Variants in SOX5 observed in about 807,000 individuals in gnomAD.
SOX5 encodes the protein SRY-box transcription factor 5, also known as transcription factor SOX-5.
Under a neutral mutation model 92.0 loss-of-function variants are expected in SOX5, and 9 were observed. That is an observed-to-expected ratio of 0.10 (90% CI 0.06 to 0.17). SOX5 has a LOEUF of 0.17. Ranked by LOEUF, SOX5 falls within the 10% of genes least tolerant of loss-of-function variation. SOX5 has a pLI of 1.00. For missense variants in SOX5, 642 were observed against 944.5 expected (o/e 0.68, Z 4.20); for synonymous variants, 344 against 336.3 (o/e 1.02, Z -0.25).
intron 3 of SOX5, among the ~76,000 whole-genome samples, chr12:24,267,081 A>T (rs780417032): frequency 3.3e-5 from 5 of 152,194 alleles, no homozygotes; most frequent in Admixed American, 6.5e-5. Context: ...TGTCTGTCAC[A>T]AAGATTTGAC....
intron 2 of SOX5, among the ~76,000 whole-genome samples, chr12:23,861,263 G>T (rs1439716888): frequency 6.6e-6 from 1 of 152,050 alleles, no homozygotes; most frequent in East Asian, 1.9e-4. Context: ...TAGAATAAAG[G>T]GAGAAAATGA....
intron 2 of SOX5, among the ~76,000 whole-genome samples, chr12:24,302,444 T>C (rs1457075554): frequency 2.6e-5 from 4 of 152,180 alleles, no homozygotes; most frequent in African/African-American, 4.8e-5. Flanking sequence ...ACTTTGTAAG[T>C]AAGAGCTTGA....
intron 1 of SOX5, among the ~76,000 whole-genome samples, chr12:24,435,181 T>C (rs1350569719): frequency 6.6e-6 from 1 of 152,206 alleles, no homozygotes; most frequent in East Asian, 1.9e-4. Context: ...TCTCTGGAGA[T>C]ACTAGCTAAG....
chr12:23,840,006 A>T (rs1329128315), intron 3 of SOX5, among the ~76,000 whole-genome samples: 1 of 135,438 alleles, frequency 7.4e-6, no homozygotes, highest in African/African-American at 2.6e-5. Flanking sequence ...AAAAAAAAAA[A>T]AAGAAAGTGC....
At chr12:24,271,609 G>T (rs974448871) in intron 3 of SOX5, among the ~76,000 whole-genome samples, 1 of 152,040 alleles carries the variant, frequency 6.6e-6, no homozygotes, top group East Asian at 1.9e-4. Flanking sequence ...ATATTGTTCT[G>T]TCCCTTACAC....
chr12:24,557,613 G>A (rs1953934840), intron 1 of SOX5, among the ~76,000 whole-genome samples: 1 of 152,040 alleles, frequency 6.6e-6, no homozygotes, highest in African/African-American at 2.4e-5. Context: ...TAAGCTACCA[G>A]AGAATACAAA....
At chr12:24,434,811 C>T (rs1160793696) in intron 1 of SOX5, among the ~76,000 whole-genome samples, 1 of 152,214 alleles carries the variant, frequency 6.6e-6, no homozygotes, top group Non-Finnish European at 1.5e-5. Context: ...ATGCTAGCAT[C>T]ATGCTTTCTG....
intron 8 of SOX5, among the ~76,000 whole-genome samples, chr12:23,614,798 T>C (rs1373069733): frequency 1.3e-5 from 2 of 152,172 alleles, no homozygotes; most frequent in African/African-American, 4.8e-5. Context: ...CCAGTTTCTC[T>C]ATATTTTCTT....
intron 1 of SOX5, among the ~76,000 whole-genome samples, chr12:24,545,696 G>A (rs1253739283): frequency 1.3e-5 from 2 of 152,172 alleles, no homozygotes; most frequent in African/African-American, 2.4e-5. Flanking sequence ...GCTGTGGTGC[G>A]CTGCCCAGCG....
At chr12:24,222,900 G>A (rs956655846) in intron 3 of SOX5, among the ~76,000 whole-genome samples, 3 of 152,130 alleles carry the variant, frequency 2.0e-5, no homozygotes, top group African/African-American at 7.2e-5. Context: ...CATATTGCTT[G>A]GAATAGACAC....
intron 1 of SOX5, among the ~76,000 whole-genome samples, chr12:24,550,923 GT>G (rs1953091535): frequency 1.3e-5 from 2 of 152,154 alleles, no homozygotes; most frequent in African/African-American, 2.4e-5. Flanking sequence ...TAAAACTCTG[GT>G]TAGGTTTAGA....
At chr12:23,822,877 A>G (rs2096149025) in intron 3 of SOX5, among the ~76,000 whole-genome samples, 1 of 152,138 alleles carries the variant, frequency 6.6e-6, no homozygotes, top group African/African-American at 2.4e-5. Context: ...CCGTTAGATA[A>G]TGCCTTTCTT....
chr12:24,505,906 C>T (rs990171467), intron 1 of SOX5, among the ~76,000 whole-genome samples: 1 of 123,982 alleles, frequency 8.1e-6, no homozygotes, highest in Non-Finnish European at 1.7e-5. Flanking sequence ...CTAGTGCAAC[C>T]CCAACCACGG....
chr12:23,735,034 T>C (rs1336412845), intron 5 of SOX5, among the ~76,000 whole-genome samples: 3 of 152,200 alleles, frequency 2.0e-5, no homozygotes, highest in Non-Finnish European at 4.4e-5. Flanking sequence ...AACATCCCTC[T>C]TCCTAGTGAT....
chr12:24,037,682 G>A (rs904661958), intron 4 of SOX5, among the ~76,000 whole-genome samples: 1 of 152,104 alleles, frequency 6.6e-6, no homozygotes, highest in Non-Finnish European at 1.5e-5. Context: ...TATTCCAAAA[G>A]TTAAATATAA....
At chr12:24,235,490 C>A (rs951493425) in intron 3 of SOX5, among the ~76,000 whole-genome samples, 1 of 152,078 alleles carries the variant, frequency 6.6e-6, no homozygotes, top group Non-Finnish European at 1.5e-5. Flanking sequence ...ATAATAGAAA[C>A]CCTACATTAA....
intron 7 of SOX5, among the ~76,000 whole-genome samples, chr12:23,649,562 GCTT>G (rs2081294780): frequency 1.3e-5 from 2 of 152,064 alleles, no homozygotes; most frequent in South Asian, 2.1e-4. Context: ...ACATTAATTT[GCTT>G]CTTATTTCAA....
chr12:23,640,946 C>T (rs2079977495), intron 7 of SOX5, 49 bp from the exon 8 acceptor site: 1 of 1,259,714 alleles, frequency 7.9e-7, no homozygotes, highest in Non-Finnish European at 1.1e-6. Flanking sequence ...CTACTCTCCA[C>T]CTGCAAATTA....
chr12:24,029,683 AT>A (rs1955266528), intron 4 of SOX5, among the ~76,000 whole-genome samples: 1 of 152,006 alleles, frequency 6.6e-6, no homozygotes, highest in African/African-American at 2.4e-5. Flanking sequence ...TTTTTCAAAA[AT>A]GTTGATCATT....
Sources: allele counts gnomAD v4.1 joint callset (sites outside exome capture counted in the v4.1 genomes callset), GRCh38; gene constraint gnomAD v4.1.1; transcripts MANE v1.5; gene names NCBI Gene and HGNC (gene_info 2026-07-23, HGNC 2026-07-21).